Variants in LRP1B observed in about 807,000 individuals in gnomAD.
LRP1B encodes the protein LDL receptor related protein 1B.
LRP1B carries 217 observed loss-of-function variants against 556.6 expected under a neutral mutation model. The ratio of observed to expected loss-of-function variants is 0.39; its 90% confidence interval spans 0.35 to 0.44. The LOEUF (loss-of-function observed/expected upper bound fraction) is 0.44. Among genes scored for constraint, LRP1B ranks in the 20% least tolerant of loss-of-function variants. The pLI is 1.00. For missense variants in LRP1B, 5,053 were observed against 5,620.8 expected (o/e 0.90, Z 3.23); for synonymous variants, 2,047 against 1,865.8 (o/e 1.10, Z -2.50).
Position 141,410,810 on chromosome 2 carries a change from T to C in LRP1B, c.343+69586A>G, listed in dbSNP as rs537702699. 5.3e-5 allele frequency among the ~76,000 whole-genome samples: 8 copies of C among 152,182 alleles called. No individual in the cohort carries two copies. In the South Asian group the frequency reaches 1.4e-3, roughly 28 times the overall value. On this transcript the variant is annotated intron_variant, in intron 3 of 90. Transcript: ENST00000389484. ...CTCTATTTCTCAAATTAGGTCATCATAGTTTTTAGAAATACTTCTTAGGGT... is the reference window on the plus strand; with the variant it reads ...CTCTATTTCTCAAATTAGGTCATCACAGTTTTTAGAAATACTTCTTAGGGT...
intron 18 of LRP1B, among the ~76,000 whole-genome samples, chr2:140,977,319 C>T (rs1195796403): frequency 6.6e-6 from 1 of 152,150 alleles, no homozygotes; most frequent in Non-Finnish European, 1.5e-5. Flanking sequence ...CTTGCTCCTC[C>T]TTGCCTTCCA....
chr2:141,702,475 T>C (rs186373466), intron 2 of LRP1B, among the ~76,000 whole-genome samples: 3 of 151,928 alleles, frequency 2.0e-5, no homozygotes, highest in African/African-American at 7.2e-5. Flanking sequence ...ACTTTCAACA[T>C]TTTATAAAAC....
intron 27 of LRP1B, among the ~76,000 whole-genome samples, chr2:140,863,946 G>A (rs1692873100): frequency 6.6e-6 from 1 of 151,786 alleles, no homozygotes; most frequent in Non-Finnish European, 1.5e-5. Flanking sequence ...GTGATATGAT[G>A]CAACAATTCC....
At chr2:141,744,234 C>A (rs1171060680) in intron 2 of LRP1B, among the ~76,000 whole-genome samples, 1 of 151,742 alleles carries the variant, frequency 6.6e-6, no homozygotes, top group African/African-American at 2.4e-5. Flanking sequence ...TTTCTTTTTT[C>A]ATTGATCTAC....
rs192103296 is a variant in LRP1B, at chr2:141,034,838, C to T, written c.1789+14148G>A. ...TCTAGAAGTAGAAACACCATTTGACCCAGCCATCCCATTACTGGGTATATA... is the reference window on the plus strand; with the variant it reads ...TCTAGAAGTAGAAACACCATTTGACTCAGCCATCCCATTACTGGGTATATA... On this transcript the variant is annotated intron_variant, in intron 11 of 90. Coordinates refer to ENST00000389484, the MANE Select transcript of LRP1B (RefSeq NM_018557.3). Among the ~76,000 whole-genome samples the T allele has an allele frequency of 1.6e-3, 235 of 151,052 alleles. 6 individuals carry two copies. The East Asian group carries it at 0.041, about 27-fold the overall frequency.
chr2:140,937,167 G>C (rs968957190), intron 20 of LRP1B, among the ~76,000 whole-genome samples: 9 of 151,870 alleles, frequency 5.9e-5, no homozygotes, highest in African/African-American at 2.2e-4. Flanking sequence ...AAACATAAAA[G>C]GGCAGTAATG....
chr2:140,931,296 C>T (rs1695041165), intron 20 of LRP1B, among the ~76,000 whole-genome samples: 2 of 152,092 alleles, frequency 1.3e-5, no homozygotes, highest in South Asian at 2.1e-4. Context: ...ATTCACATGT[C>T]ACTTCCCTAC....
chr2:140,932,784 G>C (rs1468722696), intron 20 of LRP1B, among the ~76,000 whole-genome samples: 10 of 150,836 alleles, frequency 6.6e-5, no homozygotes, highest in Non-Finnish European at 1.2e-4. Flanking sequence ...GAGGCTGAGA[G>C]GGGAGGATTG....
At chr2:142,100,433 T>A (rs182520739) in intron 1 of LRP1B, among the ~76,000 whole-genome samples, 1 of 152,094 alleles carries the variant, frequency 6.6e-6, no homozygotes, top group Non-Finnish European at 1.5e-5. Flanking sequence ...GAAACTAACA[T>A]CTGCTGAGCC....
chr2:141,765,467 A>T (rs1694704012), intron 2 of LRP1B, among the ~76,000 whole-genome samples: 1 of 152,170 alleles, frequency 6.6e-6, no homozygotes, highest in South Asian at 2.1e-4. Flanking sequence ...TTGAGGCCAG[A>T]TTGCTCAATC....
chr2:140,250,827 TTATTA>T (rs1452540809), intron 86 of LRP1B, among the ~76,000 whole-genome samples: 4 of 151,750 alleles, frequency 2.6e-5, no homozygotes, highest in African/African-American at 9.7e-5. Flanking sequence ...TACATTGTTA[TTATTA>T]TATTCTTACA....
intron 63 of LRP1B, among the ~76,000 whole-genome samples, chr2:140,448,753 T>G (rs1172253211): frequency 1.3e-5 from 2 of 152,076 alleles, no homozygotes; most frequent in African/African-American, 4.8e-5. Context: ...GAATAGATTT[T>G]AAGTATTCTC....
At chr2:140,928,035 T>C (rs932581532) in intron 20 of LRP1B, among the ~76,000 whole-genome samples, 4 of 152,002 alleles carry the variant, frequency 2.6e-5, no homozygotes, top group African/African-American at 9.7e-5. Flanking sequence ...CAAGAGTCAC[T>C]GTGCCCAGTC....
At chr2:142,025,401 AGG>A (rs1405175146) in intron 1 of LRP1B, among the ~76,000 whole-genome samples, 2 of 152,190 alleles carry the variant, frequency 1.3e-5, no homozygotes, top group Non-Finnish European at 2.9e-5. Context: ...TTACTCAGTG[AGG>A]GAAGCACTTT....
chr2:141,134,093 C>T (rs777534053), intron 7 of LRP1B, among the ~76,000 whole-genome samples: 8 of 151,826 alleles, frequency 5.3e-5, no homozygotes, highest in African/African-American at 2.4e-5. Flanking sequence ...AATTCCCCTA[C>T]CCGCCACCGC....
intron 60 of LRP1B, among the ~76,000 whole-genome samples, chr2:140,472,487 C>A (rs935209222): frequency 6.6e-6 from 1 of 151,890 alleles, no homozygotes; most frequent in South Asian, 2.1e-4. Context: ...GTAAATTGAC[C>A]GATGTATTTT....
At chr2:141,135,002 T>G (rs1013895256) in intron 7 of LRP1B, among the ~76,000 whole-genome samples, 4 of 151,926 alleles carry the variant, frequency 2.6e-5, no homozygotes, top group Non-Finnish European at 2.9e-5. Flanking sequence ...GTATTGTCAC[T>G]ACATGCATTC....
chr2:140,771,314 C>A (rs1211060186), intron 33 of LRP1B, among the ~76,000 whole-genome samples: 2 of 152,068 alleles, frequency 1.3e-5, no homozygotes, highest in South Asian at 2.1e-4. Flanking sequence ...GAGAAACCAG[C>A]ATCTTTTTCT....
chr2:142,085,389 G>A (rs956678387), intron 1 of LRP1B, among the ~76,000 whole-genome samples: 7 of 152,108 alleles, frequency 4.6e-5, no homozygotes, highest in African/African-American at 1.2e-4. Context: ...CATCTCTACC[G>A]GACTCTGAAC....
Sources: gnomAD v4.1 joint callset for allele counts (sites outside exome capture counted in the v4.1 genomes callset) on GRCh38, gnomAD v4.1.1 for gene constraint, MANE v1.5 for transcripts, NCBI Gene and HGNC (gene_info 2026-07-23, HGNC 2026-07-21) for gene names.